KIAA1671: variants seen among roughly 807,000 people sequenced by gnomAD.
The protein encoded by KIAA1671 is uncharacterized protein KIAA1671.
KIAA1671 carries 52 observed loss-of-function variants against 131.2 expected under a neutral mutation model. The observed-to-expected ratio is 0.40, with a 90% CI of 0.32 to 0.50. KIAA1671 has a LOEUF of 0.50. Ranked by LOEUF, KIAA1671 falls within the 20% of genes least tolerant of loss-of-function variation. The pLI, the probability that KIAA1671 is intolerant of heterozygous loss-of-function variation, is 0.73. For missense variants in KIAA1671, 2,360 were observed against 2,364.2 expected, an observed-to-expected ratio of 1.00 and a Z score of 0.04; for synonymous variants, 1,003 against 961.6, an observed-to-expected ratio of 1.04 and a Z score of -0.80.
chr22:25,161,105 T>G (rs1315870319), intron 6 of KIAA1671, among the ~76,000 whole-genome samples: 1 of 152,030 alleles, frequency 6.6e-6, no homozygotes, highest in Non-Finnish European at 1.5e-5. Context: ...CCCTTTCTTC[T>G]GTTTCTCCCT....
Position 24,952,978 on chromosome 22 carries a change from G to A in KIAA1671, c.-208+206G>A, listed in dbSNP as rs1420295005. ...CAGACTCCGGGTCTGCAGGGAGGGAGGATCCCGGTTTGGGAGCCGGGGAAT... is the reference window on the plus strand; with the variant it reads ...CAGACTCCGGGTCTGCAGGGAGGGAAGATCCCGGTTTGGGAGCCGGGGAAT... On this transcript the variant is annotated intron_variant, in intron 1 of 12. Coordinates refer to ENST00000358431, the MANE Select transcript of KIAA1671 (RefSeq NM_001145206.2). The surrounding 1 kb of genome is among the most constrained non-coding windows in gnomAD (Gnocchi z 4.5). 2.0e-5 allele frequency among the ~76,000 whole-genome samples: 3 copies of A among 152,244 alleles called. No individual in the cohort carries two copies. Among genetic ancestry groups the A allele is most frequent in the Admixed American group, 1.3e-4 (2 of 15,290 alleles).
chr22:25,003,575 C>G (rs1466196472), intron 1 of KIAA1671, among the ~76,000 whole-genome samples: 6 of 151,930 alleles, frequency 3.9e-5, no homozygotes, highest in African/African-American at 1.5e-4. Flanking sequence ...CTACGCCTGG[C>G]TAATTTTTTT....
intron 6 of KIAA1671, among the ~76,000 whole-genome samples, chr22:25,129,551 G>T (rs1932340336): frequency 6.6e-6 from 1 of 151,578 alleles, no homozygotes; most frequent in Non-Finnish European, 1.5e-5. Flanking sequence ...GAAGGCCTGG[G>T]TTTGAATCAC....
chr22:24,975,765 G>T (rs1000478955), intron 1 of KIAA1671, among the ~76,000 whole-genome samples: 10 of 152,190 alleles, frequency 6.6e-5, no homozygotes, highest in African/African-American at 2.4e-4. Context: ...GAGGCTCAGA[G>T]AGGGAATTGA....
At chr22:25,171,243 A>G (rs1259564759) in intron 7 of KIAA1671, among the ~76,000 whole-genome samples, 3 of 151,796 alleles carry the variant, frequency 2.0e-5, no homozygotes, top group Non-Finnish European at 4.4e-5. Flanking sequence ...CTACTAAAAT[A>G]CAAAAAATTA....
At chr22:25,014,817 G>GT (rs1278569984) in intron 1 of KIAA1671, 1 of 152,166 alleles carries the variant, frequency 6.6e-6, no homozygotes, top group Non-Finnish European at 1.5e-5. Context: ...CCAGAATACT[G>GT]TAAGAGCTTT....
At chr22:25,121,970 A>G (rs146544729) in intron 6 of KIAA1671, among the ~76,000 whole-genome samples, 152 of 152,258 alleles carry the variant, frequency 1.0e-3, no homozygotes, top group Admixed American at 3.5e-3. Context: ...TAAGAGAGTG[A>G]ATTGTGGGAT....
intron 1 of KIAA1671, among the ~76,000 whole-genome samples, chr22:24,998,495 G>A (rs532710267): frequency 7.2e-5 from 11 of 151,990 alleles, no homozygotes; most frequent in Admixed American, 4.6e-4. Flanking sequence ...TGAGGCGGGC[G>A]GATCACGAGG....
At chr22:24,962,418 A>C (rs1319485881) in intron 1 of KIAA1671, among the ~76,000 whole-genome samples, 1 of 152,156 alleles carries the variant, frequency 6.6e-6, no homozygotes, top group African/African-American at 2.4e-5. Context: ...GGGTCCTGAT[A>C]GGGGCAGAAT....
chr22:25,179,552 T>G, intron 9 of KIAA1671: 1 of 1,579,730 alleles, frequency 6.3e-7, no homozygotes, highest in African/African-American at 1.3e-5. Flanking sequence ...CTGCGCCTCC[T>G]GCGTTGGGAA....
intron 1 of KIAA1671, among the ~76,000 whole-genome samples, chr22:24,963,060 G>T (rs935163066): frequency 3.9e-5 from 6 of 152,086 alleles, no homozygotes; most frequent in Non-Finnish European, 8.8e-5. Flanking sequence ...TAGCTGCACG[G>T]TTAGAGGCCA....
intron 2 of KIAA1671, among the ~76,000 whole-genome samples, chr22:25,027,695 A>G (rs1926025681): frequency 6.6e-6 from 1 of 152,180 alleles, no homozygotes; most frequent in East Asian, 1.9e-4. Context: ...AAAGTCCTCC[A>G]GAGTGTTGAT....
chr22:25,176,065 G>GC, intron 8 of KIAA1671: 1 of 152,308 alleles, frequency 6.6e-6, no homozygotes, highest in Non-Finnish European at 1.5e-5. Context: ...CTCCAAGCCA[G>GC]CCCCTCTGTC....
In KIAA1671 at chr22:25,028,925, C is replaced by T. The variant is rs1926115021; in HGVS notation, c.926C>T (p.Thr309Ile). ...RKVADEGSGP[T>I]AGDMAGLERP... ...GTGGCCGATGAAGGAAGTGGACCCA[C>T]AGCAGGGGATATGGCTGGGCTAGAG... Residue 309 changes from threonine to isoleucine, a missense_variant, in exon 3 of 13, where the codon ACA becomes ATA. Thr to Ile is a moderately conservative substitution (Grantham distance 89). Transcript: ENST00000358431. The T allele has an allele frequency of 1.3e-6, 2 of 1,551,512 alleles. No individual in the cohort carries two copies. Among genetic ancestry groups the T allele is most frequent in the African/African-American group, 1.4e-5 (1 of 73,070 alleles).
chr22:25,074,619 C>A (rs1394136492), intron 6 of KIAA1671, among the ~76,000 whole-genome samples: 3 of 150,808 alleles, frequency 2.0e-5, no homozygotes, highest in African/African-American at 7.4e-5. Context: ...AAACATGTGT[C>A]CATGAAACAT....
chr22:25,150,387 C>CT (rs1204583794), intron 6 of KIAA1671, among the ~76,000 whole-genome samples: 2 of 152,192 alleles, frequency 1.3e-5, no homozygotes, highest in Non-Finnish European at 2.9e-5. Context: ...GAGAAAGTGA[C>CT]TTACCTGAGG....
At chr22:25,077,341 G>A (rs191597520) in intron 6 of KIAA1671, among the ~76,000 whole-genome samples, 200 of 152,294 alleles carry the variant, frequency 1.3e-3, no homozygotes, top group African/African-American at 4.4e-3. Flanking sequence ...AGAATAAGGG[G>A]CATTAGTGTC....
intron 1 of KIAA1671, among the ~76,000 whole-genome samples, chr22:24,955,711 AG>A (rs1921657493): frequency 1.3e-5 from 2 of 152,120 alleles, no homozygotes; most frequent in African/African-American, 4.8e-5. Context: ...GCTGGGGGCC[AG>A]TAAGCAGGCT....
intron 6 of KIAA1671, among the ~76,000 whole-genome samples, chr22:25,074,249 A>G (rs1300729076): frequency 6.6e-6 from 1 of 151,374 alleles, no homozygotes; most frequent in African/African-American, 2.4e-5. Context: ...TCATGCCTGT[A>G]ATACCAGCGC....
Sources: gnomAD v4.1 joint callset for allele counts (sites outside exome capture counted in the v4.1 genomes callset) on GRCh38, gnomAD v4.1.1 for gene constraint, Gnocchi (gnomAD v3.1) non-coding constraint, MANE v1.5 for transcripts, NCBI Gene and HGNC (gene_info 2026-07-23, HGNC 2026-07-21) for gene names.